Variants in NRG1 observed in about 807,000 individuals in gnomAD.
NRG1 encodes the protein neuregulin 1, also known as pro-neuregulin-1, membrane-bound isoform.
In NRG1, 18 loss-of-function variants were observed where a neutral mutation model predicts 63.8. That is an observed-to-expected ratio of 0.28 (90% confidence interval 0.19 to 0.42). The LOEUF (loss-of-function observed/expected upper bound fraction) is 0.42, where lower values mean the gene tolerates loss of function less well. Among genes scored for constraint, NRG1 ranks in the 10% least tolerant of loss-of-function variants. NRG1 has a pLI of 1.00. For missense variants in NRG1, 762 were observed against 814.7 expected (o/e 0.94, Z 0.79); for synonymous variants, 302 against 301.3 (o/e 1.00, Z -0.02).
intron 1 of NRG1, among the ~76,000 whole-genome samples, chr8:32,049,489 A>G (rs1821629934): frequency 6.6e-6 from 1 of 152,100 alleles, no homozygotes; most frequent in Non-Finnish European, 1.5e-5. Context: ...CACAGATTTA[A>G]TCAGTTTTAG....
intron 1 of NRG1, among the ~76,000 whole-genome samples, chr8:32,006,063 T>C (rs1052039525): frequency 6.6e-6 from 1 of 152,014 alleles, no homozygotes; most frequent in Non-Finnish European, 1.5e-5. Context: ...ATAGGGAGTT[T>C]CGAGGCATTA....
intron 1 of NRG1, among the ~76,000 whole-genome samples, chr8:32,093,237 G>T (rs1340704004): frequency 7.2e-5 from 11 of 152,112 alleles, no homozygotes; most frequent in African/African-American, 2.7e-4. Flanking sequence ...ATGGATTTAG[G>T]GCTATGCAGG....
intron 1 of NRG1, among the ~76,000 whole-genome samples, chr8:31,806,584 T>G (rs977965878): frequency 6.6e-6 from 1 of 152,212 alleles, no homozygotes; most frequent in African/African-American, 2.4e-5. Flanking sequence ...CTGCATTTAT[T>G]GCATTGATTT....
At chr8:31,902,811 C>T (rs1585627959) in intron 1 of NRG1, among the ~76,000 whole-genome samples, 1 of 152,172 alleles carries the variant, frequency 6.6e-6, no homozygotes, top group East Asian at 1.9e-4. Flanking sequence ...ACTGATAAAT[C>T]CCAACCCACA....
chr8:32,548,267 GTGGC>G, exon 1 of NRG1: 1 of 986,580 alleles, frequency 1.0e-6, no homozygotes, highest in Non-Finnish European at 1.2e-6. Flanking sequence ...CGGGAGGTGG[GTGGC>G]TGCGGGGCAA....
intron 1 of NRG1, among the ~76,000 whole-genome samples, chr8:31,768,528 C>G (rs1818303231): frequency 6.6e-6 from 1 of 152,182 alleles, no homozygotes; most frequent in African/African-American, 2.4e-5. Flanking sequence ...TTGTGGAACA[C>G]TGTTCAAATT....
intron 1 of NRG1, among the ~76,000 whole-genome samples, chr8:31,959,443 A>G (rs1252830684): frequency 6.6e-6 from 1 of 152,196 alleles, no homozygotes; most frequent in African/African-American, 2.4e-5. Context: ...GGCTTCACCA[A>G]TCCTGTCTGT....
intron 1 of NRG1, among the ~76,000 whole-genome samples, chr8:32,218,068 T>C (rs1037316602): frequency 2.6e-5 from 4 of 152,242 alleles, no homozygotes; most frequent in African/African-American, 9.6e-5. Context: ...TCTTAAACGG[T>C]GAAGAATTAG....
chr8:32,349,773 A>G (rs549156858), intron 1 of NRG1, among the ~76,000 whole-genome samples: 39 of 152,252 alleles, frequency 2.6e-4, no homozygotes, highest in African/African-American at 9.4e-4. Flanking sequence ...AACTGACTCT[A>G]TGGTAGGCTC....
intron 1 of NRG1, among the ~76,000 whole-genome samples, chr8:32,047,964 T>C (rs1168921404): frequency 6.6e-6 from 1 of 152,036 alleles, no homozygotes; most frequent in Non-Finnish European, 1.5e-5. Context: ...GAGATCAGCT[T>C]TTTTAGATTC....
chr8:31,958,351 C>G (rs1804831532), intron 1 of NRG1, among the ~76,000 whole-genome samples: 1 of 152,124 alleles, frequency 6.6e-6, no homozygotes, highest in African/African-American at 2.4e-5. Flanking sequence ...ATTTTGTTAC[C>G]TCCTGGCCTT....
At chr8:31,972,799 A>G (rs1160003415) in intron 1 of NRG1, among the ~76,000 whole-genome samples, 1 of 152,206 alleles carries the variant, frequency 6.6e-6, no homozygotes, top group Non-Finnish European at 1.5e-5. Flanking sequence ...GTGTGATTCT[A>G]CAGGCCCTGC....
chr8:32,044,259 C>T (rs1004385040), intron 1 of NRG1, among the ~76,000 whole-genome samples: 1 of 151,814 alleles, frequency 6.6e-6, no homozygotes, highest in Non-Finnish European at 1.5e-5. Flanking sequence ...GACATAACAA[C>T]CTTAACTATG....
At chr8:32,269,837 T>A (rs1851361288) in intron 1 of NRG1, among the ~76,000 whole-genome samples, 1 of 152,158 alleles carries the variant, frequency 6.6e-6, no homozygotes, top group Admixed American at 6.5e-5. Context: ...TTATTTCTCT[T>A]TCTCCTAATG....
intron 1 of NRG1, among the ~76,000 whole-genome samples, chr8:32,077,552 G>A (rs1425314858): frequency 2.0e-5 from 3 of 152,148 alleles, no homozygotes; most frequent in Admixed American, 6.5e-5. Flanking sequence ...TCTTTTGTGC[G>A]TTTTAGCATT....
chr8:32,580,620 C>G (rs895672982), intron 1 of NRG1, among the ~76,000 whole-genome samples: 1 of 151,972 alleles, frequency 6.6e-6, no homozygotes, highest in African/African-American at 2.4e-5. Context: ...AATAATTTGT[C>G]CAAGGTCAAA....
intron 1 of NRG1, among the ~76,000 whole-genome samples, chr8:32,356,531 T>C (rs1159246286): frequency 2.3e-5 from 3 of 129,226 alleles, no homozygotes; most frequent in Non-Finnish European, 4.7e-5. Flanking sequence ...TCTCTTGACA[T>C]CTTGGATTTA....
At position 32,151,940 on chromosome 8, in the gene NRG1, G is replaced by A. The variant is rs114715757; in HGVS notation, c.38-443888G>A. 6.9e-3 allele frequency among the ~76,000 whole-genome samples: 1,048 copies of A among 151,692 alleles called. 8 individuals are homozygous for A. The highest frequency in any genetic ancestry group is 0.022 in the African/African-American group (907 of 41,480). On this transcript the variant is annotated intron_variant, in intron 1 of 10. Coordinates refer to the NRG1 transcript ENST00000519301. ...GGAGCGCTTCAGAAAGAGAGAGAGA[G>A]AAAAATGAAAATTCCTAGCCCCATC...
chr8:32,023,298 T>C (rs1816741632), intron 1 of NRG1, among the ~76,000 whole-genome samples: 1 of 152,212 alleles, frequency 6.6e-6, no homozygotes, highest in African/African-American at 2.4e-5. Context: ...TTATAAGACA[T>C]TGAGTTTCGA....
Sources: gnomAD v4.1 joint callset for allele counts (sites outside exome capture counted in the v4.1 genomes callset) on GRCh38, gnomAD v4.1.1 for gene constraint, MANE v1.5 for transcripts, NCBI Gene and HGNC (gene_info 2026-07-23, HGNC 2026-07-21) for gene names.